Variants in LHFPL4 observed in about 807,000 individuals in gnomAD.
LHFPL4 encodes the protein LHFPL tetraspan subfamily member 4, also known as LHFPL tetraspan subfamily member 4 protein.
In LHFPL4, 6 loss-of-function variants were observed where a neutral mutation model predicts 20.0. The observed-to-expected ratio is 0.30, with a 90% confidence interval of 0.16 to 0.59. The LOEUF (loss-of-function observed/expected upper bound fraction) is 0.59. LHFPL4 is among the 20% of genes least tolerant of loss of function. The probability of loss-of-function intolerance (pLI) is 0.88; values close to 1 mark genes in which losing one functional copy is unlikely to be tolerated. For synonymous variants in LHFPL4, 129 were observed against 143.8 expected (o/e 0.90, Z 0.74); for missense variants, 215 against 331.2 (o/e 0.65, Z 2.72).
At chr3:9,534,372 C>T (rs1161948082) in intron 2 of LHFPL4, among the ~76,000 whole-genome samples, 1 of 152,134 alleles carries the variant, frequency 6.6e-6, no homozygotes, top group Non-Finnish European at 1.5e-5. Context: ...AATGAGGAAG[C>T]TCCTTATGTG....
At chr3:9,551,856 T>A (rs1477454139) in intron 2 of LHFPL4, among the ~76,000 whole-genome samples, 1 of 152,142 alleles carries the variant, frequency 6.6e-6, no homozygotes, top group Non-Finnish European at 1.5e-5. Flanking sequence ...GTTGATAGTG[T>A]CAACAAATTA....
chr3:9,543,117 A>G lies in LHFPL4; in HGVS notation c.406+9157T>C, dbSNP rs367590028. Among the ~76,000 whole-genome samples the G allele has an allele frequency of 1.1e-4, 16 of 152,290 alleles. No individual in the cohort carries two copies. The East Asian group carries it at 3.1e-3, about 29-fold the overall frequency. On this transcript the variant is annotated intron_variant, in intron 2 of 3. Coordinates refer to ENST00000287585, the MANE Select transcript of LHFPL4 (RefSeq NM_198560.3). ...ATATCTCAATACAACTGATACCACA[A>G]AAAGGGGGTGGGCAGTGTGGCTTCT...
intron 2 of LHFPL4, among the ~76,000 whole-genome samples, chr3:9,514,988 CA>C (rs532848198): frequency 2.6e-3 from 397 of 152,268 alleles, no homozygotes; most frequent in Non-Finnish European, 3.9e-3. Context: ...TTGGTGTAGA[CA>C]TGAGTTTTTT....
At chr3:9,553,201 G>C (rs987598692) in intron 1 of LHFPL4, among the ~76,000 whole-genome samples, 1 of 151,592 alleles carries the variant, frequency 6.6e-6, no homozygotes, top group African/African-American at 2.4e-5. Context: ...TGTCTAGCAA[G>C]GGACTATGAG....
At chr3:9,510,314 C>G (rs564937575) in intron 2 of LHFPL4, among the ~76,000 whole-genome samples, 1 of 151,742 alleles carries the variant, frequency 6.6e-6, no homozygotes, top group South Asian at 2.1e-4. Context: ...GGCATGTACT[C>G]GTAGTCCCAG....
chr3:9,540,074 C>T (rs953180019), intron 2 of LHFPL4, among the ~76,000 whole-genome samples: 1 of 152,192 alleles, frequency 6.6e-6, no homozygotes, highest in African/African-American at 2.4e-5. Context: ...GTATATACCA[C>T]TTAACCAGCA....
chr3:9,541,462 T>C (rs1043999281), intron 2 of LHFPL4, among the ~76,000 whole-genome samples: 3 of 152,222 alleles, frequency 2.0e-5, no homozygotes, highest in Non-Finnish European at 2.9e-5. Flanking sequence ...TCACACCGTA[T>C]ACAAATATTA....
chr3:9,516,510 G>A (rs182578480), intron 2 of LHFPL4, among the ~76,000 whole-genome samples: 10 of 151,160 alleles, frequency 6.6e-5, no homozygotes, highest in Admixed American at 5.9e-4. Context: ...GTCTCACTCT[G>A]TTGCCCAGGT....
At chr3:9,526,875 G>T (rs1459743866) in intron 2 of LHFPL4, among the ~76,000 whole-genome samples, 1 of 152,082 alleles carries the variant, frequency 6.6e-6, no homozygotes, top group Admixed American at 6.6e-5. Flanking sequence ...GGGGCATGAG[G>T]CCCTGCCCAC....
chr3:9,535,759 C>T (rs941232068), intron 2 of LHFPL4, among the ~76,000 whole-genome samples: 3 of 152,048 alleles, frequency 2.0e-5, no homozygotes, highest in African/African-American at 4.8e-5. Flanking sequence ...ATTGGGGCCA[C>T]AGCTTGCTTG....
intron 2 of LHFPL4, among the ~76,000 whole-genome samples, chr3:9,531,963 G>T (rs145235967): frequency 1.9e-4 from 29 of 152,294 alleles, no homozygotes; most frequent in African/African-American, 7.0e-4. Context: ...TTTAAAGCTT[G>T]TGCTATCGAT....
At chr3:9,518,258 C>A (rs1053764692) in intron 2 of LHFPL4, among the ~76,000 whole-genome samples, 1 of 151,950 alleles carries the variant, frequency 6.6e-6, no homozygotes, top group Non-Finnish European at 1.5e-5. Context: ...GAATAAATCC[C>A]AATTGGTCAT....
chr3:9,498,954 A>G lies in LHFPL4; in HGVS notation c.*3257T>C, dbSNP rs1413771334. 4 of 152,256 alleles carry G rather than the reference A, an allele frequency of 2.6e-5. No individual in the cohort carries two copies. Among genetic ancestry groups the G allele is most frequent in the African/African-American group, 9.7e-5 (4 of 41,382 alleles). 9.4% of individuals were successfully genotyped at this position (152,256 alleles called of 1,614,324 possible). ...TAGCCCCGGTTCCCAGAAGGACTCAACTGACCAGACTGTGGGCCAGGGACT... is the reference window on the plus strand; with the variant it reads ...TAGCCCCGGTTCCCAGAAGGACTCAGCTGACCAGACTGTGGGCCAGGGACT... On this transcript the variant is annotated 3_prime_UTR_variant, in exon 4 of 4. Coordinates refer to ENST00000287585, the MANE Select transcript of LHFPL4 (RefSeq NM_198560.3).
chr3:9,550,175 T>C (rs1322005684), intron 2 of LHFPL4, among the ~76,000 whole-genome samples: 1 of 152,182 alleles, frequency 6.6e-6, no homozygotes, highest in Admixed American at 6.5e-5. Context: ...ACCCCAAGAC[T>C]CGTAGTCCAG....
At position 9,552,714 on chromosome 3, in the gene LHFPL4, TG is replaced by T. The variant is rs751722424; in HGVS notation, c.-36del. The T allele has an allele frequency of 1.6e-6, 2 of 1,232,270 alleles. No individual in the cohort carries two copies. Among genetic ancestry groups the T allele is most frequent in the South Asian group, 7.0e-5 (2 of 28,482 alleles). The allele number at this position is 1,232,270 out of a possible 1,614,324, so 76.3% of individuals were successfully genotyped here. On this transcript the variant is annotated 5_prime_UTR_variant, in exon 2 of 4. Transcript: ENST00000287585. ...AGGCGGGGCCGGCGGCGGCGGCGGC[TG>T]GCGGGGGCCGCCGGCCCGGGACGGA... is the stretch of plus-strand genomic sequence containing the variant.
chr3:9,505,295 C>A (rs1228599069), intron 3 of LHFPL4, among the ~76,000 whole-genome samples: 1 of 149,432 alleles, frequency 6.7e-6, no homozygotes, highest in Non-Finnish European at 1.5e-5. Flanking sequence ...TTGAGATAGG[C>A]TCTCACTCTG....
intron 1 of LHFPL4, among the ~76,000 whole-genome samples, chr3:9,553,393 G>C (rs1239427899): frequency 6.6e-6 from 1 of 151,312 alleles, no homozygotes; most frequent in African/African-American, 2.4e-5. Flanking sequence ...GCTGGACACG[G>C]GGCGAGGAAG....
chr3:9,528,382 A>T (rs2046387798), intron 2 of LHFPL4, among the ~76,000 whole-genome samples: 1 of 152,194 alleles, frequency 6.6e-6, no homozygotes, highest in Non-Finnish European at 1.5e-5. Flanking sequence ...ATCCATAAGA[A>T]GCAACTCCTC....
At chr3:9,510,359 G>A (rs1368530424) in intron 2 of LHFPL4, among the ~76,000 whole-genome samples, 2 of 150,650 alleles carry the variant, frequency 1.3e-5, no homozygotes, top group Non-Finnish European at 3.0e-5. Context: ...GATCGCTTGA[G>A]CCGGAAGATC....
Sources: allele counts gnomAD v4.1 joint callset (sites outside exome capture counted in the v4.1 genomes callset), GRCh38; gene constraint gnomAD v4.1.1; transcripts MANE v1.5; gene names NCBI Gene and HGNC (gene_info 2026-07-23, HGNC 2026-07-21).